Variants in TRPC3 observed in about 807,000 individuals in gnomAD.
The protein encoded by TRPC3 is transient receptor potential cation channel subfamily C member 3.
A neutral mutation model predicts 90.9 loss-of-function variants in TRPC3; 54 were observed. The observed-to-expected ratio is 0.59, with a 90% CI of 0.48 to 0.75. The LOEUF (loss-of-function observed/expected upper bound fraction) is 0.75, where lower values mean the gene tolerates loss of function less well. Ranked by LOEUF, TRPC3 falls within the 30% of genes least tolerant of loss-of-function variation. TRPC3 has a pLI of 0.00. For missense variants in TRPC3, 918 were observed against 1,194.5 expected (o/e 0.77, Z 3.41); for synonymous variants, 424 against 450.9 (o/e 0.94, Z 0.75).
chr4:121,920,505 CAG>C (rs1404241479), intron 3 of TRPC3, among the ~76,000 whole-genome samples: 1 of 151,642 alleles, frequency 6.6e-6, no homozygotes, highest in African/African-American at 2.4e-5. Flanking sequence ...GCCTGGGAGA[CAG>C]AGTGAGACTC....
intron 3 of TRPC3, among the ~76,000 whole-genome samples, chr4:121,915,874 G>A (rs1729299540): frequency 6.6e-6 from 1 of 151,962 alleles, no homozygotes; most frequent in African/African-American, 2.4e-5. Context: ...TTTTTGAATG[G>A]TCATATGCTC....
At chr4:121,950,224 C>T (rs1730659050) in intron 1 of TRPC3, among the ~76,000 whole-genome samples, 1 of 151,992 alleles carries the variant, frequency 6.6e-6, no homozygotes, top group African/African-American at 2.4e-5. Context: ...TGATTGTGTT[C>T]CTGTGTTCTA....
Position 121,910,243 on chromosome 4 carries a change from G to A in TRPC3, c.1703C>T (p.Thr568Met), listed in dbSNP as rs773114006. 39 of 1,613,646 alleles carry A rather than the reference G, an allele frequency of 2.4e-5. No individual in the cohort carries two copies. Among genetic ancestry groups the A allele is most frequent in the Admixed American group, 8.3e-5 (5 of 59,942 alleles). Reference sequence around the variant, plus strand: ...ACTGTCCACATACTGTTGTGCCTTCGTTGCCTGAAGGAAAGCTAGGAATCT... The same window carrying A: ...ACTGTCCACATACTGTTGTGCCTTCATTGCCTGAAGGAAAGCTAGGAATCT... ...TARFLAFLQATKAQQYVDSYV... is the reference protein window; with the variant it reads ...TARFLAFLQAMKAQQYVDSYV... The change falls in exon 6 of 12, where the codon ACG becomes ATG. Residue 568 changes from threonine to methionine, a missense_variant. Thr to Met is a moderately conservative substitution (Grantham distance 81). Transcript: ENST00000379645.
intron 8 of TRPC3, among the ~76,000 whole-genome samples, chr4:121,903,950 A>G (rs1174710358): frequency 6.6e-6 from 1 of 152,210 alleles, no homozygotes; most frequent in Admixed American, 6.5e-5. Context: ...GACTGGATAA[A>G]GAATACCATT....
chr4:121,939,885 C>A (rs1730246208), intron 1 of TRPC3, among the ~76,000 whole-genome samples: 1 of 152,224 alleles, frequency 6.6e-6, no homozygotes, highest in Non-Finnish European at 1.5e-5. Context: ...AGGACACTAA[C>A]TCTTTCCCCC....
intron 2 of TRPC3, among the ~76,000 whole-genome samples, chr4:121,926,059 A>C (rs533980324): frequency 1.3e-5 from 2 of 152,348 alleles, no homozygotes; most frequent in Non-Finnish European, 2.9e-5. Flanking sequence ...TGTGTTAAAA[A>C]CACCACAAAA....
chr4:121,886,118 G>T (rs1728107897), intron 10 of TRPC3, among the ~76,000 whole-genome samples: 2 of 152,144 alleles, frequency 1.3e-5, no homozygotes, highest in Admixed American at 1.3e-4. Context: ...ATAAGATGTG[G>T]GTGGTTGGGT....
Position 121,875,632 on chromosome 4 carries a change from T to C in TRPC3, c.*4104A>G, listed in dbSNP as rs989945166. The stretch of plus-strand genomic sequence containing the variant: ...CCACTTTAGAGACAAATTTGCAGAA[T>C]TACCATGCACCTCAGTAATTTATAA... On this transcript the variant is annotated 3_prime_UTR_variant, in exon 12 of 12. Coordinates refer to ENST00000379645, the MANE Select transcript of TRPC3 (RefSeq NM_001130698.2). 6.6e-6 allele frequency among the ~76,000 whole-genome samples: 1 copy of C among 151,964 alleles called. No individual in the cohort carries two copies. Among genetic ancestry groups the C allele is most frequent in the African/African-American group, 2.4e-5 (1 of 41,426 alleles).
At chr4:121,941,182 T>C (rs574614337) in intron 1 of TRPC3, among the ~76,000 whole-genome samples, 2 of 152,360 alleles carry the variant, frequency 1.3e-5, no homozygotes, top group African/African-American at 4.8e-5. Context: ...ACATGGGTGT[T>C]TGGGTTGAAT....
At position 121,875,533 on chromosome 4, in the gene TRPC3, T is replaced by C. The variant is rs1200315979; in HGVS notation, c.*4203A>G. ...GTGTGTCCTCTTTTTAAAGATGTTT[T>C]AGGGTATCAGAGACATCTTGGTGGT... On this transcript the variant is annotated 3_prime_UTR_variant, in exon 12 of 12. Transcript: ENST00000379645. Among the ~76,000 whole-genome samples the C allele has an allele frequency of 1.3e-5, 2 of 152,186 alleles. No individual in the cohort carries two copies. Among genetic ancestry groups the C allele is most frequent in the Admixed American group, 6.5e-5 (1 of 15,288 alleles).
rs1475116670 is a variant in TRPC3 at position 121,879,151 on chromosome 4, C to A, written c.*585G>T. 6.7e-6 allele frequency: 1 copy of A among 149,570 alleles called. No homozygotes were observed. Among genetic ancestry groups the A allele is most frequent in the Non-Finnish European group, 1.5e-5 (1 of 67,702 alleles). 9.3% of individuals were successfully genotyped at this position (149,570 alleles called of 1,614,324 possible). ...ATTCTTCACTTGGGGCTCAGTGGTT[C>A]TAGGATTATCAGTGACACCTAAAAT... On this transcript the variant is annotated 3_prime_UTR_variant, in exon 12 of 12. Transcript: ENST00000379645.
intron 1 of TRPC3, among the ~76,000 whole-genome samples, chr4:121,934,939 C>T (rs1730080396): frequency 6.6e-6 from 1 of 152,302 alleles, no homozygotes; most frequent in South Asian, 2.1e-4. Context: ...ATTCTAATGG[C>T]TCAACTAGTG....
intron 9 of TRPC3, among the ~76,000 whole-genome samples, chr4:121,901,123 G>A (rs1728685323): frequency 6.6e-6 from 1 of 152,232 alleles, no homozygotes; most frequent in African/African-American, 2.4e-5. Flanking sequence ...GTTGCCTACA[G>A]AAAGAAAACT....
intron 10 of TRPC3, among the ~76,000 whole-genome samples, chr4:121,898,041 A>G (rs567297481): frequency 6.6e-6 from 1 of 152,356 alleles, no homozygotes; most frequent in Admixed American, 6.5e-5. Context: ...CAAGTGAAAT[A>G]AGCCAGGAAC....
At chr4:121,905,005 G>A (rs891837405) in intron 7 of TRPC3, among the ~76,000 whole-genome samples, 7 of 152,086 alleles carry the variant, frequency 4.6e-5, no homozygotes, top group African/African-American at 4.8e-5. Context: ...ATCAGTAGGG[G>A]ACAGGCTAAA....
In TRPC3 at chr4:121,932,892, G is replaced by A. The variant is rs1245340339; in HGVS notation, c.366C>T (p.Tyr122=). 4 of 1,614,040 alleles carry A rather than the reference G, an allele frequency of 2.5e-6. No individual in the cohort carries two copies. Among genetic ancestry groups the A allele is most frequent in the Middle Eastern group, 3.3e-4 (2 of 6,062 alleles). The change falls in exon 2 of 12, where the codon TAC becomes TAT. Residue 122 remains tyrosine (Y), a synonymous_variant. Coordinates refer to ENST00000379645, the MANE Select transcript of TRPC3 (RefSeq NM_001130698.2). The surrounding 1 kb of genome is among the most constrained non-coding windows in gnomAD (Gnocchi z 7.7). ...EEERFLDAAE[Y]GNIPVVRKML... The stretch of plus-strand genomic sequence containing the variant: ...TCTTGCGCACCACTGGGATGTTGCC[G>A]TACTCGGCGGCGTCGAGGAAGCGCT...
intron 4 of TRPC3, among the ~76,000 whole-genome samples, chr4:121,914,037 C>T (rs527960511): frequency 1.4e-4 from 22 of 152,356 alleles, no homozygotes; most frequent in Admixed American, 3.3e-4. Flanking sequence ...CTCCTTCTCT[C>T]TGGCAGTGCC....
At chr4:121,883,582 C>T (rs1728013094) in intron 10 of TRPC3, among the ~76,000 whole-genome samples, 1 of 152,096 alleles carries the variant, frequency 6.6e-6, no homozygotes, top group Non-Finnish European at 1.5e-5. Context: ...AAAGGAGACA[C>T]AATTTTACAT....
chr4:121,946,990 C>T (rs1730510869), intron 1 of TRPC3, among the ~76,000 whole-genome samples: 1 of 151,672 alleles, frequency 6.6e-6, no homozygotes, highest in Admixed American at 6.6e-5. Flanking sequence ...AGAGACCAGC[C>T]TGGGCAACAT....
Sources: allele counts gnomAD v4.1 joint callset (sites outside exome capture counted in the v4.1 genomes callset), GRCh38; gene constraint gnomAD v4.1.1; non-coding constraint Gnocchi (gnomAD v3.1); transcripts MANE v1.5; gene names NCBI Gene and HGNC (gene_info 2026-07-23, HGNC 2026-07-21).